Variants in FEZ2 observed in about 807,000 individuals in gnomAD.
FEZ2 encodes fasciculation and elongation protein zeta 2, also known as fasciculation and elongation protein zeta-2.
Under a neutral mutation model 40.4 loss-of-function variants are expected in FEZ2, and 51 were observed. The observed-to-expected ratio is 1.26, with a 90% confidence interval of 1.01 to 1.59. The LOEUF (loss-of-function observed/expected upper bound fraction) is 1.59, where lower values mean the gene tolerates loss of function less well. Among genes scored for constraint, FEZ2 ranks in the 40% most tolerant of loss-of-function variants. FEZ2 has a pLI of 0.00. For synonymous variants in FEZ2, 242 were observed against 172.0 expected, an observed-to-expected ratio of 1.41 and a Z score of -3.18; for missense variants, 640 against 438.3, an observed-to-expected ratio of 1.46 and a Z score of -4.11.
chr2:36,591,996 T>C (rs1573033140), intron 1 of FEZ2, among the ~76,000 whole-genome samples: 1 of 152,146 alleles, frequency 6.6e-6, no homozygotes, highest in East Asian at 1.9e-4. Context: ...CAGGTTTCAA[T>C]ACCAAAGTAA....
intron 5 of FEZ2, among the ~76,000 whole-genome samples, chr2:36,578,300 T>G (rs1668633976): frequency 6.6e-6 from 1 of 152,254 alleles, no homozygotes; most frequent in South Asian, 2.1e-4. Flanking sequence ...AATGTTCACT[T>G]GCTAAAGCTT....
rs776468858 is a variant in FEZ2, at chr2:36,553,186, GA to G, written c.1046-8del. 1 of 1,551,060 alleles carries G rather than the reference GA, an allele frequency of 6.4e-7. No homozygotes were observed. Among genetic ancestry groups the G allele is most frequent in the African/African-American group, 1.4e-5 (1 of 73,292 alleles). ...CTCTATGTAGGACACAGAACTAGAA[GA>G]AAAAGAGAACTTTTAGCTACAAATG... On this transcript the variant is annotated splice_polypyrimidine_tract_variant and splice_region_variant and intron_variant, in intron 7 of 7. Coordinates refer to ENST00000405912, the MANE Select transcript of FEZ2 (RefSeq NM_005102.3).
chr2:36,566,353 A>C (rs993560926), intron 5 of FEZ2, among the ~76,000 whole-genome samples: 1 of 151,842 alleles, frequency 6.6e-6, no homozygotes, highest in Non-Finnish European at 1.5e-5. Context: ...AAAAAAAAAA[A>C]GTAATCAAGA....
Position 36,560,855 on chromosome 2 carries a change from A to G in FEZ2, c.904-2342T>C, listed in dbSNP as rs1668074947. Reference sequence around the variant, plus strand: ...CTGAATGACATTTGAGATCCCTTCCATGCTGAAGCGCTAAAGGCGGCAATA... The same window carrying G: ...CTGAATGACATTTGAGATCCCTTCCGTGCTGAAGCGCTAAAGGCGGCAATA... On this transcript the variant is annotated intron_variant, in intron 5 of 7. Coordinates refer to ENST00000405912, the MANE Select transcript of FEZ2 (RefSeq NM_005102.3). The G allele has an allele frequency of 1.9e-6, 3 of 1,608,992 alleles. No homozygotes were observed. The African/African-American group carries it at 4.0e-5, about 22-fold the overall frequency.
intron 3 of FEZ2, among the ~76,000 whole-genome samples, chr2:36,582,170 A>C (rs1395876549): frequency 6.6e-6 from 1 of 152,118 alleles, no homozygotes; most frequent in Non-Finnish European, 1.5e-5. Flanking sequence ...GAACTCAGCG[A>C]AAATGTAAAG....
Position 36,597,881 on chromosome 2 carries a change from C to T in FEZ2, c.262G>A (p.Asp88Asn), listed in dbSNP as rs866381929. 33 of 1,369,006 alleles carry T rather than the reference C, an allele frequency of 2.4e-5. No homozygotes were observed. Among genetic ancestry groups the T allele is most frequent in the Non-Finnish European group, 2.7e-5 (29 of 1,067,722 alleles). 84.8% of individuals were successfully genotyped at this position (1,369,006 alleles called of 1,614,324 possible). The change falls in exon 1 of 8, where the codon GAC becomes AAC. Residue 88 changes from aspartate (D) to asparagine (N), a missense_variant. Asp to Asn is a conservative substitution (Grantham distance 23, BLOSUM62 1). Coordinates refer to ENST00000405912, the MANE Select transcript of FEZ2 (RefSeq NM_005102.3). ...PITERSLLQGDEIWNALTDNY... is the reference protein window; with the variant it reads ...PITERSLLQGNEIWNALTDNY... ...CGGCCGGGGCCCCGCACTCACTCGT[C>T]CCCCTGCAGGAGGCTGCGCTCCGTG...
intron 5 of FEZ2, among the ~76,000 whole-genome samples, chr2:36,571,946 C>T (rs1347819205): frequency 7.3e-6 from 1 of 136,950 alleles, no homozygotes; most frequent in Non-Finnish European, 1.5e-5. Flanking sequence ...ACCGGGGATG[C>T]GGAGGTTGCA....
rs183063195 is a variant in FEZ2, at chr2:36,597,021, G to C, written c.266+856C>G. ...CGTGAACCTCCTATCATTGCTCTTAGGTGATTCTGTAATTATTAATATTAC... is the reference window on the plus strand; with the variant it reads ...CGTGAACCTCCTATCATTGCTCTTACGTGATTCTGTAATTATTAATATTAC... On this transcript the variant is annotated intron_variant, in intron 1 of 7. Transcript: ENST00000405912. Among the ~76,000 whole-genome samples, 669 of 152,152 alleles carry C rather than the reference G, an allele frequency of 4.4e-3. 12 individuals are homozygous for C. Among genetic ancestry groups the C allele is most frequent in the African/African-American group, 0.015 (633 of 41,484 alleles).
chr2:36,593,215 G>A (rs953879948), intron 1 of FEZ2, among the ~76,000 whole-genome samples: 1 of 152,194 alleles, frequency 6.6e-6, no homozygotes, highest in Non-Finnish European at 1.5e-5. Context: ...GGAGACAAAA[G>A]GCACTTCTTA....
chr2:36,590,123 A>T (rs762218368), intron 2 of FEZ2: 3 of 152,190 alleles, frequency 2.0e-5, no homozygotes, highest in Non-Finnish European at 4.4e-5. Context: ...ACTTTACAAT[A>T]CCAGGATGTA....
At chr2:36,560,637 TATAA>T in intron 5 of FEZ2, 1 of 498,410 alleles carries the variant, frequency 2.0e-6, no homozygotes, top group South Asian at 4.2e-5. Context: ...TTATCAAGAC[TATAA>T]ATATAATGAA....
intron 5 of FEZ2, among the ~76,000 whole-genome samples, chr2:36,571,517 G>A (rs749820536): frequency 1.2e-3 from 179 of 151,542 alleles, no homozygotes; most frequent in Middle Eastern, 3.5e-3. Context: ...TTAGCCGAGT[G>A]TGCTGGCGGG....
Position 36,595,907 on chromosome 2 carries a change from C to T in FEZ2, c.266+1970G>A, listed in dbSNP as rs921881301. On this transcript the variant is annotated intron_variant, in intron 1 of 7. Coordinates refer to ENST00000405912, the MANE Select transcript of FEZ2 (RefSeq NM_005102.3). ...TAAAATAACCTACTCTCCTGACGGT[C>T]TAAGTGAAACAAAAACTCTTAACGA... 2.6e-5 allele frequency among the ~76,000 whole-genome samples: 4 copies of T among 152,192 alleles called. No homozygotes were observed. The East Asian group carries it at 7.7e-4, about 29-fold the overall frequency.
chr2:36,580,266 T>G (rs749767343), intron 4 of FEZ2, among the ~76,000 whole-genome samples: 1 of 152,232 alleles, frequency 6.6e-6, no homozygotes, highest in Non-Finnish European at 1.5e-5. Flanking sequence ...TACAGGAACA[T>G]GGCCAAATCA....
chr2:36,590,297 T>A (rs1669029710), intron 2 of FEZ2: 1 of 152,388 alleles, frequency 6.6e-6, no homozygotes, highest in Admixed American at 6.5e-5. Context: ...AACTCCGTGT[T>A]GAGATTCCAA....
chr2:36,571,872 G>T (rs1386847878), intron 5 of FEZ2, among the ~76,000 whole-genome samples: 2 of 150,854 alleles, frequency 1.3e-5, no homozygotes, highest in Non-Finnish European at 3.0e-5. Context: ...AAAGTTAGCC[G>T]GGCGGGGTGG....
At chr2:36,573,048 A>G (rs1668461476) in intron 5 of FEZ2, among the ~76,000 whole-genome samples, 1 of 152,202 alleles carries the variant, frequency 6.6e-6, no homozygotes, top group Non-Finnish European at 1.5e-5. Flanking sequence ...AGTTGTCCGT[A>G]TAAACTTTTT....
intron 1 of FEZ2, among the ~76,000 whole-genome samples, chr2:36,597,568 GGAGGTGC>G (rs1669263476): frequency 2.0e-5 from 2 of 99,412 alleles, no homozygotes; most frequent in Non-Finnish European, 4.1e-5. Context: ...AGGTGCCCCA[GGAGGTGC>G]CGTCTCTAAC....
chr2:36,555,775 A>C (rs1329251121), intron 6 of FEZ2, 27 bp from the exon 7 acceptor site: 1 of 1,369,688 alleles, frequency 7.3e-7, no homozygotes, highest in East Asian at 2.3e-5. Context: ...GGGAAAAAAG[A>C]CAACAATTAA....
Sources: allele counts gnomAD v4.1 joint callset (sites outside exome capture counted in the v4.1 genomes callset), GRCh38; gene constraint gnomAD v4.1.1; transcripts MANE v1.5; gene names NCBI Gene and HGNC (gene_info 2026-07-23, HGNC 2026-07-21).